NFATC1: variants seen among roughly 807,000 people sequenced by gnomAD.
NFATC1 encodes nuclear factor of activated T cells 1.
A neutral mutation model predicts 76.0 loss-of-function variants in NFATC1; 22 were observed. The ratio of observed to expected loss-of-function variants is 0.29; its 90% CI spans 0.21 to 0.41. The LOEUF is 0.41. Among genes scored for constraint, NFATC1 ranks in the 10% least tolerant of loss-of-function variants. The pLI, the probability that NFATC1 is intolerant of heterozygous loss-of-function variation, is 1.00. For missense variants in NFATC1, 1,357 were observed against 1,337.7 expected (o/e 1.01, Z -0.23); for synonymous variants, 704 against 613.1 (o/e 1.15, Z -2.19).
intron 3 of NFATC1, chr18:79,448,379 CCAGGTTAATGGAACA>C (rs1487777903): frequency 4.3e-6 from 1 of 235,220 alleles, no homozygotes; most frequent in African/African-American, 2.3e-5. Context: ...CTGCCCGGTT[CCAGGTTAATGGAACA>C]CAGGAAGGTG....
intron 3 of NFATC1, among the ~76,000 whole-genome samples, chr18:79,444,088 G>A (rs951878842): frequency 6.6e-6 from 1 of 152,212 alleles, no homozygotes; most frequent in Non-Finnish European, 1.5e-5. Context: ...GGCAACTGTG[G>A]CCAAACAGGT....
At chr18:79,512,783 T>A (rs1448208616) in intron 9 of NFATC1, among the ~76,000 whole-genome samples, 1 of 152,242 alleles carries the variant, frequency 6.6e-6, no homozygotes, top group Non-Finnish European at 1.5e-5. Flanking sequence ...ACTCGAGCTC[T>A]CAGCCCCTGT....
intron 2 of NFATC1, among the ~76,000 whole-genome samples, chr18:79,417,217 ATGGGAGATGGGCTGTGG>A (rs2085909655): frequency 1.3e-5 from 1 of 78,656 alleles, no homozygotes; most frequent in East Asian, 3.7e-4. Flanking sequence ...GTGGTGGGAG[ATGGGAGATGGGCTGTGG>A]TGGGAGATGG....
At chr18:79,462,897 G>A (rs2088195474) in intron 7 of NFATC1, among the ~76,000 whole-genome samples, 1 of 150,912 alleles carries the variant, frequency 6.6e-6, no homozygotes, top group Admixed American at 6.6e-5. Flanking sequence ...TCAGGGAAGA[G>A]CCCATCTCGG....
At chr18:79,457,273 C>T (rs2087784076) in intron 6 of NFATC1, among the ~76,000 whole-genome samples, 1 of 152,156 alleles carries the variant, frequency 6.6e-6, no homozygotes, top group Admixed American at 6.5e-5. Flanking sequence ...TTCCTCATGC[C>T]CTGAGGATGG....
At chr18:79,399,819 C>T (rs1292267064) in intron 1 of NFATC1, among the ~76,000 whole-genome samples, 2 of 152,142 alleles carry the variant, frequency 1.3e-5, no homozygotes, top group African/African-American at 4.8e-5. Context: ...CTGCGCTTCC[C>T]GGCACCGTCG....
chr18:79,408,191 G>A (rs1305555135), intron 1 of NFATC1, among the ~76,000 whole-genome samples: 1 of 152,120 alleles, frequency 6.6e-6, no homozygotes, highest in Non-Finnish European at 1.5e-5. Context: ...GATTTTTTTG[G>A]CATTTATCCG....
intron 7 of NFATC1, among the ~76,000 whole-genome samples, chr18:79,462,346 GT>G (rs1208225349): frequency 2.0e-5 from 3 of 152,090 alleles, no homozygotes; most frequent in African/African-American, 7.2e-5. Context: ...GTTTGTTTTT[GT>G]TTTTTTGAAA....
At chr18:79,428,842 TAAAAAG>T (rs1026840014) in intron 2 of NFATC1, among the ~76,000 whole-genome samples, 9 of 151,824 alleles carry the variant, frequency 5.9e-5, no homozygotes, top group African/African-American at 2.2e-4. Context: ...TTCTAAGAAA[TAAAAAG>T]AGAAAAAGAA....
At chr18:79,428,076 G>C (rs908344566) in intron 2 of NFATC1, among the ~76,000 whole-genome samples, 5 of 147,262 alleles carry the variant, frequency 3.4e-5, no homozygotes, top group East Asian at 4.1e-4. Context: ...AGTGGGTCGG[G>C]GGGCCTGGAC....
intron 2 of NFATC1, among the ~76,000 whole-genome samples, chr18:79,418,551 C>A (rs1024351727): frequency 2.0e-4 from 30 of 152,180 alleles, no homozygotes; most frequent in Non-Finnish European, 3.7e-4. Context: ...GGGTCAGAGC[C>A]CAGTCGAGGG....
At chr18:79,478,801 G>A (rs929877335) in intron 8 of NFATC1, among the ~76,000 whole-genome samples, 1 of 152,194 alleles carries the variant, frequency 6.6e-6, no homozygotes, top group African/African-American at 2.4e-5. Context: ...TGCTACCGAG[G>A]CAGAGACTCT....
Position 79,448,854 on chromosome 18 carries a change from C to T in NFATC1, c.1459C>T (p.Arg487Cys), listed in dbSNP as rs758037357. 6.2e-6 allele frequency: 10 copies of T among 1,613,704 alleles called. No individual in the cohort carries two copies. The highest frequency in any genetic ancestry group is 6.8e-6 in the Non-Finnish European group (8 of 1,180,042). The part of the protein sequence containing the change: ...FIGTADDRLL[R>C]PHAFYQVHRI... ...TGGGACGGCGGACGACCGCCTGCTG[C>T]GCCCGCACGCCTTCTACCAGGTGCA... The change falls in exon 4 of 10, where the codon CGC (arginine) becomes TGC (cysteine). Residue 487 changes from arginine to cysteine, a missense_variant. Arg to Cys is a radical substitution (Grantham distance 180). Coordinates refer to ENST00000427363, the MANE Select transcript of NFATC1 (RefSeq NM_001278669.2).
chr18:79,491,596 G>A (rs1371996208), intron 9 of NFATC1, among the ~76,000 whole-genome samples: 1 of 152,226 alleles, frequency 6.6e-6, no homozygotes, highest in Non-Finnish European at 1.5e-5. Context: ...GCCTGTGGCA[G>A]GACGTGGGTA....
chr18:79,476,538 C>T (rs981883138), intron 8 of NFATC1, among the ~76,000 whole-genome samples: 9 of 152,212 alleles, frequency 5.9e-5, no homozygotes, highest in South Asian at 4.1e-4. Flanking sequence ...CCCTCGCTGC[C>T]GTGCTGTCCT....
intron 3 of NFATC1, among the ~76,000 whole-genome samples, chr18:79,444,887 C>T (rs924918788): frequency 7.9e-5 from 12 of 152,246 alleles, no homozygotes; most frequent in Non-Finnish European, 1.2e-4. Context: ...AGGAAGTGGA[C>T]GCTGCGTGGC....
chr18:79,520,529 T>TG (rs1281236295), intron 9 of NFATC1, among the ~76,000 whole-genome samples: 2 of 146,832 alleles, frequency 1.4e-5, no homozygotes, highest in African/African-American at 5.2e-5. Flanking sequence ...AGACTCTGTG[T>TG]GTGGGGGGGG....
At chr18:79,407,079 GC>G (rs2085468920) in intron 1 of NFATC1, among the ~76,000 whole-genome samples, 1 of 152,232 alleles carries the variant, frequency 6.6e-6, no homozygotes, top group South Asian at 2.1e-4. Flanking sequence ...CTGGCCCAGA[GC>G]CCCCCAGGTA....
At chr18:79,458,480 C>G (rs572859316) in intron 6 of NFATC1, among the ~76,000 whole-genome samples, 1 of 152,060 alleles carries the variant, frequency 6.6e-6, no homozygotes, top group African/African-American at 2.4e-5. Flanking sequence ...GGCCCGGCTC[C>G]GGGCGGCGGG....
Sources: allele counts gnomAD v4.1 joint callset (sites outside exome capture counted in the v4.1 genomes callset), GRCh38; gene constraint gnomAD v4.1.1; transcripts MANE v1.5; gene names NCBI Gene and HGNC (gene_info 2026-07-23, HGNC 2026-07-21).